NECTIN3: variants seen among roughly 807,000 people sequenced by gnomAD.
NECTIN3 encodes nectin-3.
Under a neutral mutation model 49.4 loss-of-function variants are expected in NECTIN3, and 8 were observed. The observed-to-expected ratio is 0.16, with a 90% CI of 0.10 to 0.29. The LOEUF (loss-of-function observed/expected upper bound fraction) is 0.29, where lower values mean the gene tolerates loss of function less well. Ranked by LOEUF, NECTIN3 falls within the 10% of genes least tolerant of loss-of-function variation. NECTIN3 has a pLI of 1.00. For missense variants in NECTIN3, 581 were observed against 654.6 expected (o/e 0.89, Z 1.23); for synonymous variants, 277 against 241.1 (o/e 1.15, Z -1.38).
At chr3:111,125,018 CTTTCTTTTTTTTTTT>C (rs2034102786) in intron 4 of NECTIN3, among the ~76,000 whole-genome samples, 1 of 130,360 alleles carries the variant, frequency 7.7e-6, no homozygotes, top group African/African-American at 2.9e-5. Context: ...ATCTTCTTTT[CTTTCTTTTTTTTTTT>C]TTTTTTTTTT....
At chr3:111,189,984 T>C (rs1265153420), upstream of NECTIN3, among the ~76,000 whole-genome samples, 1 of 151,986 alleles carries the variant, frequency 6.6e-6, no homozygotes, top group Non-Finnish European at 1.5e-5. Context: ...CAAGATGGGG[T>C]AGCAGTGGCC....
At chr3:111,142,255 A>G (rs1363128893), downstream of NECTIN3, among the ~76,000 whole-genome samples, 1 of 151,956 alleles carries the variant, frequency 6.6e-6, no homozygotes, top group African/African-American at 2.4e-5. Flanking sequence ...CTTATTTAGC[A>G]TAATCATTTG....
chr3:111,138,498 T>C (rs995508925), downstream of NECTIN3, among the ~76,000 whole-genome samples: 5 of 151,792 alleles, frequency 3.3e-5, no homozygotes, highest in East Asian at 1.9e-4. Flanking sequence ...CTTGACACTT[T>C]GACTTGAGTA....
chr3:111,074,322 GTACTGCT>G lies in NECTIN3; in HGVS notation c.160+2149_160+2155del, dbSNP rs1347847930. 3.4e-5 allele frequency: 15 copies of G among 441,366 alleles called. No individual in the cohort carries two copies. In the Middle Eastern group the frequency reaches 1.8e-3, roughly 53 times the overall value. The allele number at this position is 441,366 out of a possible 1,614,324, so 27.3% of individuals were successfully genotyped here. On this transcript the variant is annotated intron_variant, in intron 1 of 5. Coordinates refer to ENST00000485303, the MANE Select transcript of NECTIN3 (RefSeq NM_015480.3). ...TAATAGAGTTATAATGATGTTCATAGTACTGCTTACAAGGTTTGGCATGTAATTAATA... is the reference window on the plus strand; with the variant it reads ...TAATAGAGTTATAATGATGTTCATAGTACAAGGTTTGGCATGTAATTAATA...
intron 1 of NECTIN3, among the ~76,000 whole-genome samples, chr3:111,078,388 TG>T (rs545673089): frequency 1.8e-3 from 281 of 152,318 alleles, no homozygotes; most frequent in African/African-American, 6.4e-3. Flanking sequence ...AAACAGTCTT[TG>T]TTAAAGTGTT....
chr3:111,121,292 C>T (rs561583363), intron 3 of NECTIN3, among the ~76,000 whole-genome samples: 14 of 151,882 alleles, frequency 9.2e-5, no homozygotes, highest in South Asian at 8.3e-4. Context: ...GGATTACAGG[C>T]GTGAGCCCCC....
Position 111,072,131 on chromosome 3 carries a change from G to A in NECTIN3, c.114G>A (p.Pro38=). The part of the protein sequence containing the change: ...GLLLQPPTPP[P]LLLLLFPLLL... ...TGCTGCAGCCCCCGACGCCACCTCC[G>A]CTGCTGCTGCTGCTCTTCCCGCTGC... The change falls in exon 1 of 6, where the codon CCG becomes CCA. Residue 38 remains proline, a synonymous_variant. Transcript: ENST00000485303. The A allele has an allele frequency of 6.5e-7, 1 of 1,545,226 alleles. No homozygotes were observed. The highest frequency in any genetic ancestry group is 1.4e-5 in the African/African-American group (1 of 72,542).
intron 5 of NECTIN3, 121 bp downstream of exon 5, chr3:111,126,456 T>C (rs917268188): frequency 1.2e-6 from 1 of 837,064 alleles, no homozygotes; most frequent in Non-Finnish European, 1.8e-6. Flanking sequence ...GTGTGAAGTT[T>C]TTCCAAATAA....
At chr3:111,096,735 C>T (rs1438310036) in intron 1 of NECTIN3, among the ~76,000 whole-genome samples, 2 of 152,178 alleles carry the variant, frequency 1.3e-5, no homozygotes, top group African/African-American at 2.4e-5. Context: ...AAGCCCCAAG[C>T]CTTGGCAGCT....
At chr3:111,109,487 A>G (rs2033362831) in intron 1 of NECTIN3, among the ~76,000 whole-genome samples, 1 of 151,882 alleles carries the variant, frequency 6.6e-6, no homozygotes, top group Non-Finnish European at 1.5e-5. Flanking sequence ...ATAATTTTTT[A>G]CTTTTAGGTC....
intron 5 of NECTIN3, among the ~76,000 whole-genome samples, chr3:111,132,132 G>A (rs948472344): frequency 1.3e-5 from 2 of 151,572 alleles, no homozygotes; most frequent in Non-Finnish European, 3.0e-5. Flanking sequence ...TTCTACACTT[G>A]TTTTCTTGGG....
At chr3:111,182,709 C>T (rs2035648574) in intron 7 of NECTIN3, among the ~76,000 whole-genome samples, 1 of 151,866 alleles carries the variant, frequency 6.6e-6, no homozygotes, top group Non-Finnish European at 1.5e-5. Flanking sequence ...TTGCTTTTAA[C>T]CAATCTATGT....
intron 7 of NECTIN3, among the ~76,000 whole-genome samples, chr3:111,151,969 C>T (rs1244552998): frequency 6.6e-6 from 1 of 151,774 alleles, no homozygotes; most frequent in Non-Finnish European, 1.5e-5. Context: ...CACACACACA[C>T]TCAGGTGCAT....
downstream of NECTIN3, among the ~76,000 whole-genome samples, chr3:111,140,880 T>C (rs900766245): frequency 6.6e-6 from 1 of 152,000 alleles, no homozygotes; most frequent in East Asian, 1.9e-4. Context: ...CCATGTATTA[T>C]ATACTAGTAA....
At chr3:111,142,934 G>A (rs1478449332) in intron 5 of NECTIN3, among the ~76,000 whole-genome samples, 1 of 151,792 alleles carries the variant, frequency 6.6e-6, no homozygotes, top group Admixed American at 6.6e-5. Context: ...TAGAATAATT[G>A]GTGTGGAGTA....
At chr3:111,192,471 T>G in intron 1 of NECTIN3, 8 of 1,403,718 alleles carry the variant, frequency 5.7e-6, no homozygotes, top group Non-Finnish European at 7.8e-6. Context: ...ACGTGCTTAT[T>G]AAAATATCAT....
intron 7 of NECTIN3, among the ~76,000 whole-genome samples, chr3:111,168,023 C>T (rs936313832): frequency 6.6e-6 from 1 of 152,142 alleles, no homozygotes; most frequent in Non-Finnish European, 1.5e-5. Flanking sequence ...TTGAGCATCC[C>T]TAATCTGAAA....
intron 5 of NECTIN3, among the ~76,000 whole-genome samples, chr3:111,127,946 A>C (rs2107482354): frequency 6.6e-6 from 1 of 152,306 alleles, no homozygotes; most frequent in South Asian, 2.1e-4. Context: ...GCATAGTTAA[A>C]ATATACTTAA....
downstream of NECTIN3, among the ~76,000 whole-genome samples, chr3:111,139,880 A>C (rs181825714): frequency 5.1e-4 from 77 of 151,964 alleles, 1 homozygote; most frequent in East Asian, 0.013. Context: ...TATATTTAAC[A>C]TGTTAATTTT....
Sources: allele counts gnomAD v4.1 joint callset (sites outside exome capture counted in the v4.1 genomes callset), GRCh38; gene constraint gnomAD v4.1.1; transcripts MANE v1.5; gene names NCBI Gene and HGNC (gene_info 2026-07-23, HGNC 2026-07-21).